Variants in SIPA1L1 observed in about 807,000 individuals in gnomAD.
SIPA1L1 encodes the protein signal-induced proliferation-associated 1-like protein 1.
Under a neutral mutation model 162.7 loss-of-function variants are expected in SIPA1L1, and 26 were observed. The observed-to-expected ratio is 0.16, with a 90% CI of 0.12 to 0.22. SIPA1L1 has a LOEUF of 0.22. SIPA1L1 is among the 10% of genes least tolerant of loss of function. SIPA1L1 has a pLI of 1.00. For missense variants in SIPA1L1, 1,874 were observed against 2,241.0 expected (o/e 0.84, Z 3.31); for synonymous variants, 829 against 837.4 (o/e 0.99, Z 0.17).
chr14:71,555,759 C>T lies in SIPA1L1; in HGVS notation c.-303+26389C>T, dbSNP rs977301937. On this transcript the variant is annotated intron_variant, in intron 4 of 23. Coordinates refer to ENST00000381232, the MANE Select transcript of SIPA1L1 (RefSeq NM_001386936.1). ...TTGAACTTAGAGGCCATTCTAATTT[C>T]AGTGTTGTGGTCTCAGAGACTAGAG... Among the ~76,000 whole-genome samples, 3 of 152,038 alleles carry T rather than the reference C, an allele frequency of 2.0e-5. 1 individual carries two copies. In the South Asian group the frequency reaches 6.2e-4, roughly 32 times the overall value.
intron 5 of SIPA1L1, among the ~76,000 whole-genome samples, chr14:71,606,941 A>G (rs1013659424): frequency 2.0e-5 from 3 of 152,100 alleles, no homozygotes; most frequent in African/African-American, 4.8e-5. Flanking sequence ...ATAAAAACAA[A>G]TAAAAACCTT....
intron 2 of SIPA1L1, among the ~76,000 whole-genome samples, chr14:71,401,817 CAT>C (rs1217126149): frequency 6.6e-6 from 1 of 151,974 alleles, no homozygotes; most frequent in East Asian, 1.9e-4. Context: ...TCTTATCACT[CAT>C]AAATATAAGA....
intron 17 of SIPA1L1, among the ~76,000 whole-genome samples, chr14:71,715,922 C>T (rs2083236804): frequency 1.3e-5 from 2 of 152,174 alleles, no homozygotes; most frequent in Non-Finnish European, 2.9e-5. Flanking sequence ...ATCTTGTTAG[C>T]CCCTTATTAA....
In SIPA1L1 at chr14:71,723,635, G is replaced by C. The variant is rs779672646; in HGVS notation, c.4209-12G>C. ...CCTGAGATACACATGTCTTTGCCCT[G>C]CTTCTCCTCAGTACCATGAGCTCCC... is the stretch of plus-strand genomic sequence containing the variant. On this transcript the variant is annotated splice_polypyrimidine_tract_variant and intron_variant, in intron 17 of 23. Transcript: ENST00000381232. 35 of 1,613,762 alleles carry C rather than the reference G, an allele frequency of 2.2e-5. No individual in the cohort carries two copies. The highest frequency in any genetic ancestry group is 2.8e-5 in the Non-Finnish European group (33 of 1,179,808).
chr14:71,688,352 A>C (rs2081017105), intron 13 of SIPA1L1, among the ~76,000 whole-genome samples: 1 of 152,220 alleles, frequency 6.6e-6, no homozygotes, highest in South Asian at 2.1e-4. Context: ...AAAAACTTCC[A>C]AAATCCAAAA....
intron 2 of SIPA1L1, among the ~76,000 whole-genome samples, chr14:71,435,157 T>C (rs1387529000): frequency 6.6e-6 from 1 of 152,138 alleles, no homozygotes; most frequent in Non-Finnish European, 1.5e-5. Flanking sequence ...CTCTCAGCAA[T>C]GTATGTGTTT....
chr14:71,500,189 A>G (rs534047759), intron 2 of SIPA1L1, among the ~76,000 whole-genome samples: 1 of 152,316 alleles, frequency 6.6e-6, no homozygotes, highest in East Asian at 1.9e-4. Context: ...AATTAAGAGC[A>G]AAAAGGCAAG....
intron 4 of SIPA1L1, among the ~76,000 whole-genome samples, chr14:71,549,184 A>G (rs756498499): frequency 6.6e-6 from 1 of 152,174 alleles, no homozygotes; most frequent in Non-Finnish European, 1.5e-5. Context: ...TTGGCCTTCC[A>G]GGGGGCCCAC....
At chr14:71,683,965 A>G (rs1042626249) in intron 12 of SIPA1L1, among the ~76,000 whole-genome samples, 1 of 152,192 alleles carries the variant, frequency 6.6e-6, no homozygotes, top group Non-Finnish European at 1.5e-5. Context: ...CCAGTGTGAA[A>G]TGTATGTCTT....
intron 2 of SIPA1L1, among the ~76,000 whole-genome samples, chr14:71,477,957 A>G (rs1374534723): frequency 6.6e-6 from 1 of 152,096 alleles, no homozygotes; most frequent in Non-Finnish European, 1.5e-5. Context: ...TATTTGTGTC[A>G]TTTTCCATTT....
intron 2 of SIPA1L1, among the ~76,000 whole-genome samples, chr14:71,472,954 T>G (rs2047579801): frequency 6.6e-6 from 1 of 151,674 alleles, no homozygotes. Context: ...CAAATGATCG[T>G]CCCACCTTAG....
chr14:71,428,666 A>G (rs565050320), intron 2 of SIPA1L1, among the ~76,000 whole-genome samples: 6 of 152,284 alleles, frequency 3.9e-5, no homozygotes, highest in Non-Finnish European at 5.9e-5. Context: ...GTCAAAAAGG[A>G]GGGGCTTCCT....
chr14:71,375,994 A>T (rs1342757035), intron 2 of SIPA1L1, among the ~76,000 whole-genome samples: 2 of 152,108 alleles, frequency 1.3e-5, no homozygotes, highest in Admixed American at 1.3e-4. Context: ...TTTGTGCCTC[A>T]ATTAATGGTC....
At chr14:71,608,506 TTAAAAA>T (rs1373752396) in intron 5 of SIPA1L1, among the ~76,000 whole-genome samples, 3 of 152,164 alleles carry the variant, frequency 2.0e-5, no homozygotes, top group African/African-American at 4.8e-5. Context: ...GGTATTAACA[TTAAAAA>T]TAAAAAGTTG....
intron 2 of SIPA1L1, among the ~76,000 whole-genome samples, chr14:71,499,807 C>G (rs1357464736): frequency 6.6e-6 from 1 of 152,070 alleles, no homozygotes; most frequent in Non-Finnish European, 1.5e-5. Flanking sequence ...AAAGCAAAAC[C>G]TGTCTTTAAG....
intron 4 of SIPA1L1, chr14:71,573,739 A>G (rs553814212): frequency 5.0e-5 from 23 of 456,720 alleles, no homozygotes; most frequent in African/African-American, 4.4e-4. Flanking sequence ...AAATGAAACA[A>G]TATCCATTAT....
chr14:71,338,513 C>T (rs941174296), intron 2 of SIPA1L1, among the ~76,000 whole-genome samples: 7 of 152,072 alleles, frequency 4.6e-5, no homozygotes, highest in East Asian at 1.9e-4. Flanking sequence ...TTGTAAAGGG[C>T]GTTCACATGA....
At chr14:71,563,835 A>G (rs2056980907) in intron 4 of SIPA1L1, among the ~76,000 whole-genome samples, 1 of 152,230 alleles carries the variant, frequency 6.6e-6, no homozygotes, top group Non-Finnish European at 1.5e-5. Flanking sequence ...TTCTTACTGC[A>G]CTGTATGTAT....
At chr14:71,463,004 T>C (rs924685776) in intron 2 of SIPA1L1, among the ~76,000 whole-genome samples, 5 of 152,226 alleles carry the variant, frequency 3.3e-5, no homozygotes, top group African/African-American at 1.2e-4. Context: ...AAACCACATC[T>C]GATACAGCAG....
Sources: gnomAD v4.1 joint callset for allele counts (sites outside exome capture counted in the v4.1 genomes callset) on GRCh38, gnomAD v4.1.1 for gene constraint, MANE v1.5 for transcripts, NCBI Gene and HGNC (gene_info 2026-07-23, HGNC 2026-07-21) for gene names.